The following GSTO2 variants were observed in gnomAD, a reference collection of about 807,000 sequenced individuals.
GSTO2 encodes the protein glutathione S-transferase omega-2.
Under a neutral mutation model 28.4 loss-of-function variants are expected in GSTO2, and 23 were observed. That is an observed-to-expected ratio of 0.81 (90% CI 0.58 to 1.15). The LOEUF (loss-of-function observed/expected upper bound fraction) is 1.15, where lower values mean the gene tolerates loss of function less well. Ranked by LOEUF, GSTO2 falls within the 50% of genes most tolerant of loss-of-function variation. GSTO2 has a pLI of 0.00. For synonymous variants in GSTO2, 109 were observed against 111.0 expected, an observed-to-expected ratio of 0.98 and a Z score of 0.11; for missense variants, 298 against 297.8, an observed-to-expected ratio of 1.00 and a Z score of 0.00.
chr10:104,273,663 C>G (rs546673758), intron 1 of GSTO2, among the ~76,000 whole-genome samples: 7 of 152,308 alleles, frequency 4.6e-5, no homozygotes, highest in African/African-American at 1.7e-4. Context: ...TTTTCCTGGA[C>G]TTAAAATCCT....
At chr10:104,282,168 G>C (rs1381149746) in intron 5 of GSTO2, among the ~76,000 whole-genome samples, 1 of 150,094 alleles carries the variant, frequency 6.7e-6, no homozygotes, top group Non-Finnish European at 1.5e-5. Context: ...GGAGGTTGCT[G>C]TGAGCCAAGA....
At chr10:104,287,122 G>A (rs796819954) in intron 5 of GSTO2, among the ~76,000 whole-genome samples, 5 of 152,124 alleles carry the variant, frequency 3.3e-5, no homozygotes, top group African/African-American at 7.2e-5. Context: ...GTGCAATCAC[G>A]CCTCACTGCA....
At chr10:104,285,348 C>A (rs967207882) in intron 5 of GSTO2, among the ~76,000 whole-genome samples, 1 of 152,054 alleles carries the variant, frequency 6.6e-6, no homozygotes, top group African/African-American at 2.4e-5. Flanking sequence ...GGCTCACTGT[C>A]GTCTTGAGCT....
Position 104,297,643 on chromosome 10 carries a change from C to G in GSTO2, c.534C>G (p.Leu178=). ...GTCISMIDYL[L]WPWFERLDVY... ...GTATATCCATGATTGATTACCTCCT[C>G]TGGCCCTGGTTTGAGCGGCTGGATG... The change falls in exon 6 of 7, where the codon CTC becomes CTG. Residue 178 remains leucine, a synonymous_variant. Transcript: ENST00000338595. 3.1e-6 allele frequency: 5 copies of G among 1,613,894 alleles called. No individual in the cohort carries two copies. The highest frequency in any genetic ancestry group is 4.2e-6 in the Non-Finnish European group (5 of 1,179,790).
chr10:104,288,757 T>C (rs919428903), intron 5 of GSTO2, among the ~76,000 whole-genome samples: 1 of 152,238 alleles, frequency 6.6e-6, no homozygotes, highest in East Asian at 1.9e-4. Context: ...CTTTGTTGAT[T>C]TGTAAAAGTT....
At chr10:104,298,010 C>T (rs576373043) in intron 6 of GSTO2, among the ~76,000 whole-genome samples, 1 of 152,304 alleles carries the variant, frequency 6.6e-6, no homozygotes, top group Admixed American at 6.5e-5. Context: ...CAGTGCCCAA[C>T]GCCTCCACCT....
intron 6 of GSTO2, among the ~76,000 whole-genome samples, chr10:104,298,523 C>T (rs536827218): frequency 6.6e-6 from 1 of 152,198 alleles, no homozygotes; most frequent in Non-Finnish European, 1.5e-5. Context: ...AGCATGGAGT[C>T]ACAGGTTAGG....
chr10:104,277,376 C>T lies in GSTO2; in HGVS notation c.144-518C>T, dbSNP rs142673036. On this transcript the variant is annotated intron_variant, in intron 3 of 6. Transcript: ENST00000338595. Reference sequence around the variant, plus strand: ...TCAGCTCACTGCAACCTCCACCTCCCGGGTTCAAGCAATTCTCCTGCCTCA... The same window carrying T: ...TCAGCTCACTGCAACCTCCACCTCCTGGGTTCAAGCAATTCTCCTGCCTCA... Among the ~76,000 whole-genome samples, 827 of 152,050 alleles carry T rather than the reference C, an allele frequency of 5.4e-3. 4 individuals are homozygous for T. Among genetic ancestry groups the T allele is most frequent in the African/African-American group, 0.019 (774 of 41,418 alleles).
At chr10:104,298,005 C>A (rs1354517455) in intron 6 of GSTO2, among the ~76,000 whole-genome samples, 1 of 152,180 alleles carries the variant, frequency 6.6e-6, no homozygotes, top group African/African-American at 2.4e-5. Flanking sequence ...AGTCACAGTG[C>A]CCAACGCCTC....
chr10:104,295,847 C>G (rs2012994929), intron 5 of GSTO2: 1 of 152,308 alleles, frequency 6.6e-6, no homozygotes, highest in Non-Finnish European at 1.5e-5. Flanking sequence ...CCCCGGGACC[C>G]TAATCCACAG....
In GSTO2 at chr10:104,292,866, C is replaced by G. The variant is rs2012841865; in HGVS notation, c.469-4712C>G. Among the ~76,000 whole-genome samples, 4 of 152,134 alleles carry G rather than the reference C, an allele frequency of 2.6e-5. No homozygotes were observed. In the South Asian group the frequency reaches 8.3e-4, roughly 31 times the overall value. ...TGCTAAGTGGATCTAGATCTAACAC[C>G]CATTTTTCATTCCATTTCTGATGAT... On this transcript the variant is annotated intron_variant, in intron 5 of 6. Coordinates refer to ENST00000338595, the MANE Select transcript of GSTO2 (RefSeq NM_183239.2).
At chr10:104,277,747 T>C in intron 3 of GSTO2, 147 bp from the exon 4 acceptor site, 1 of 611,972 alleles carries the variant, frequency 1.6e-6, no homozygotes, top group South Asian at 2.0e-5. Flanking sequence ...AAGATGATGA[T>C]GTTATGTATT....
chr10:104,279,731 C>T lies in GSTO2; in HGVS notation c.468+260C>T, dbSNP rs3818647. Among the ~76,000 whole-genome samples, 38 of 152,278 alleles carry T rather than the reference C, an allele frequency of 2.5e-4. 1 individual carries two copies. The East Asian group carries it at 7.3e-3, about 29-fold the overall frequency. ...CACCCCATCTCCCTGAGTAGCTCTG[C>T]ATGGCTTCTGTAGCTTCTGCCAATG... On this transcript the variant is annotated intron_variant, in intron 5 of 6. Transcript: ENST00000338595.
chr10:104,283,884 G>A (rs143619077), intron 5 of GSTO2, among the ~76,000 whole-genome samples: 1 of 152,266 alleles, frequency 6.6e-6, no homozygotes, highest in African/African-American at 2.4e-5. Context: ...GTCTTTCTGA[G>A]TGATAAGCAA....
At chr10:104,289,463 G>T (rs1342417721) in intron 5 of GSTO2, among the ~76,000 whole-genome samples, 1 of 152,138 alleles carries the variant, frequency 6.6e-6, no homozygotes, top group Non-Finnish European at 1.5e-5. Flanking sequence ...TTTTCAGAGT[G>T]GTCCTTTAAT....
At chr10:104,291,129 T>C (rs2012745225) in intron 5 of GSTO2, 2 of 152,398 alleles carry the variant, frequency 1.3e-5, no homozygotes, top group South Asian at 4.1e-4. Flanking sequence ...GCATGTTGCT[T>C]TGTGTCTTTT....
intron 5 of GSTO2, among the ~76,000 whole-genome samples, chr10:104,290,580 C>T: frequency 6.6e-6 from 1 of 151,850 alleles, no homozygotes; most frequent in East Asian, 1.9e-4. Flanking sequence ...AGAATGAGAT[C>T]CTGTCATTTG....
chr10:104,280,276 G>T (rs2011956137), intron 5 of GSTO2, among the ~76,000 whole-genome samples: 1 of 150,282 alleles, frequency 6.7e-6, no homozygotes, highest in Admixed American at 6.7e-5. Context: ...TATGGGCTCT[G>T]TCATCCTTAG....
At chr10:104,272,870 C>T (rs981948743) in intron 1 of GSTO2, among the ~76,000 whole-genome samples, 1 of 152,054 alleles carries the variant, frequency 6.6e-6, no homozygotes, top group Non-Finnish European at 1.5e-5. Flanking sequence ...CCTCGGCCTC[C>T]CAAAGTGCTG....
Sources: allele counts gnomAD v4.1 joint callset (sites outside exome capture counted in the v4.1 genomes callset), GRCh38; gene constraint gnomAD v4.1.1; transcripts MANE v1.5; gene names NCBI Gene and HGNC (gene_info 2026-07-23, HGNC 2026-07-21).